PCDHGB1: variants seen among roughly 807,000 people sequenced by gnomAD.
The protein encoded by PCDHGB1 is protocadherin gamma-B1.
PCDHGB1 carries 34 observed loss-of-function variants against 56.6 expected under a neutral mutation model. The observed-to-expected ratio is 0.60, with a 90% CI of 0.46 to 0.80. The LOEUF is 0.80. Among genes scored for constraint, PCDHGB1 ranks in the 30% least tolerant of loss-of-function variants. The probability of loss-of-function intolerance (pLI) is 0.00; values close to 1 mark genes in which losing one functional copy is unlikely to be tolerated. For synonymous variants in PCDHGB1, 561 were observed against 505.9 expected (o/e 1.11, Z -1.46); for missense variants, 1,278 against 1,204.6 (o/e 1.06, Z -0.90).
At chr5:141,398,356 G>A (rs1242233046) in intron 1 of PCDHGB1, 2 of 1,409,378 alleles carry the variant, frequency 1.4e-6, no homozygotes, top group South Asian at 1.2e-5. Context: ...TTACTTCACC[G>A]TGAGCGCAGA....
intron 1 of PCDHGB1, chr5:141,390,043 C>A (rs1022492557): frequency 1.9e-6 from 3 of 1,613,946 alleles, no homozygotes; most frequent in Non-Finnish European, 2.5e-6. Context: ...TCCAGCCCCG[C>A]CTCCTGGAGC....
rs1417059875 is a variant in PCDHGB1 at position 141,496,499 on chromosome 5, G to C, written c.2468+1634G>C. 2.6e-5 allele frequency among the ~76,000 whole-genome samples: 4 copies of C among 152,102 alleles called. No individual in the cohort carries two copies. In the East Asian group the frequency reaches 7.7e-4, roughly 29 times the overall value. On this transcript the variant is annotated intron_variant, in intron 2 of 3. Coordinates refer to ENST00000523390, the MANE Select transcript of PCDHGB1 (RefSeq NM_018922.3). ...TCCTGCAACCAACCAAACCCTTGTT[G>C]CCACAAGGACCCAGGAGCCCTTGGT...
At chr5:141,385,268 C>CTT (rs1561607550) in intron 1 of PCDHGB1, 1 of 1,613,616 alleles carries the variant, frequency 6.2e-7, no homozygotes, top group Non-Finnish European at 8.5e-7. Context: ...AAAAATGATT[C>CTT]TTTGCTAACA....
At chr5:141,478,305 C>G in intron 1 of PCDHGB1, 1 of 1,614,092 alleles carries the variant, frequency 6.2e-7, no homozygotes, top group Non-Finnish European at 8.5e-7. Context: ...TACCGAGCCC[C>G]GGTGAGCTCA....
intron 1 of PCDHGB1, chr5:141,404,247 T>C: frequency 6.2e-7 from 1 of 1,613,870 alleles, no homozygotes; most frequent in Non-Finnish European, 8.5e-7. Flanking sequence ...ACTCCGCCCC[T>C]GTCCACAGAA....
rs75563633 is a variant in PCDHGB1 at position 141,365,084 on chromosome 5, C to G, written c.2409+12415C>G. The G allele has an allele frequency of 4.2e-4, 675 of 1,613,836 alleles. 2 individuals carry two copies. The African/African-American group carries it at 8.3e-3, about 20-fold the overall frequency. ...CCCATCCGAGTACAGCGTGAGTGTT[C>G]CAGAGAACATACCTGTGGGCACTCG... On this transcript the variant is annotated intron_variant, in intron 1 of 3. Coordinates refer to ENST00000523390, the MANE Select transcript of PCDHGB1 (RefSeq NM_018922.3).
intron 1 of PCDHGB1, among the ~76,000 whole-genome samples, chr5:141,474,412 C>A (rs1282336092): frequency 6.6e-6 from 1 of 152,220 alleles, no homozygotes; most frequent in Non-Finnish European, 1.5e-5. Flanking sequence ...CCGGTGATGC[C>A]TAGACCATTG....
chr5:141,389,837 A>C, intron 1 of PCDHGB1: 2 of 1,613,842 alleles, frequency 1.2e-6, no homozygotes, highest in South Asian at 2.2e-5. Context: ...GACAGCCACC[A>C]CTCTCGGCCA....
intron 1 of PCDHGB1, among the ~76,000 whole-genome samples, chr5:141,435,710 C>T (rs1033703743): frequency 1.3e-5 from 2 of 152,148 alleles, no homozygotes; most frequent in Admixed American, 6.5e-5. Flanking sequence ...TGGTTACAGA[C>T]ACTGAATGCT....
intron 1 of PCDHGB1, chr5:141,421,750 C>G: frequency 6.2e-7 from 1 of 1,613,906 alleles, no homozygotes; most frequent in East Asian, 2.2e-5. Flanking sequence ...CCAGCTCAGC[C>G]CTAATAATTA....
Position 141,486,000 on chromosome 5 carries a change from A to G in PCDHGB1, c.2410-8807A>G. 1 of 1,614,194 alleles carries G rather than the reference A, an allele frequency of 6.2e-7. No individual in the cohort carries two copies. Among genetic ancestry groups the G allele is most frequent in the Non-Finnish European group, 8.5e-7 (1 of 1,180,034 alleles). On this transcript the variant is annotated intron_variant, in intron 1 of 3. Transcript: ENST00000523390. The surrounding 1 kb of genome is among the most constrained non-coding windows in gnomAD (Gnocchi z 5.7). ...GACCCGGACCTGGGTCCCAGTGGTA[A>G]CGTCACCTTTTATTTCAGTGGTCAT...
In PCDHGB1 at chr5:141,381,826, C is replaced by CTTTTTTTT. The variant is rs770630741; in HGVS notation, c.2409+29172_2409+29179dup. Among the ~76,000 whole-genome samples, 48 of 74,286 alleles carry CTTTTTTTT rather than the reference C, an allele frequency of 6.5e-4. 1 individual carries two copies. Among genetic ancestry groups the CTTTTTTTT allele is most frequent in the African/African-American group, 1.0e-3 (17 of 16,198 alleles). 48.7% of individuals were successfully genotyped at this position (74,286 alleles called of 152,430 possible). On this transcript the variant is annotated intron_variant, in intron 1 of 3. Coordinates refer to ENST00000523390, the MANE Select transcript of PCDHGB1 (RefSeq NM_018922.3). Reference sequence around the variant, plus strand: ...TTTCTTTCTTTCTTTCTTTCTTCTTCTTTTTTTTTTTTTTTTTTTTTTGGC... The same window carrying CTTTTTTTT: ...TTTCTTTCTTTCTTTCTTTCTTCTTCTTTTTTTTTTTTTTTTTTTTTTTTTTTTTTGGC...
At chr5:141,419,558 C>T (rs560723941) in intron 1 of PCDHGB1, 1 of 1,611,970 alleles carries the variant, frequency 6.2e-7, no homozygotes, top group African/African-American at 1.3e-5. Context: ...GTACCCTGCG[C>T]TGGGTCCCGA....
intron 1 of PCDHGB1, among the ~76,000 whole-genome samples, chr5:141,435,286 A>G (rs1179151461): frequency 6.6e-6 from 1 of 152,194 alleles, no homozygotes; most frequent in Non-Finnish European, 1.5e-5. Context: ...CAGTATCCCA[A>G]GTCATTTCAT....
In PCDHGB1 at chr5:141,432,976, C is replaced by A. The variant is rs373558125; in HGVS notation, c.2410-61831C>A. The stretch of plus-strand genomic sequence containing the variant: ...GCTTGACAGGAGCGCCGGCGTCGCA[C>A]TTTGTGGGCGTGGACGGGGTGCAGG... On this transcript the variant is annotated intron_variant, in intron 1 of 3. Coordinates refer to ENST00000523390, the MANE Select transcript of PCDHGB1 (RefSeq NM_018922.3). This position sits in a 1 kb window ranked among gnomAD's most constrained non-coding sequence, Gnocchi z 6.0. 1 of 1,614,210 alleles carries A rather than the reference C, an allele frequency of 6.2e-7. No individual in the cohort carries two copies.
chr5:141,366,430 C>T (rs753944795), intron 1 of PCDHGB1: 6 of 1,614,174 alleles, frequency 3.7e-6, no homozygotes, highest in Non-Finnish European at 4.2e-6. Context: ...TGGCTGCAGT[C>T]TCCTGCGTCT....
At chr5:141,363,691 T>C (rs927918619) in intron 1 of PCDHGB1, among the ~76,000 whole-genome samples, 2 of 152,250 alleles carry the variant, frequency 1.3e-5, no homozygotes, top group Non-Finnish European at 2.9e-5. Flanking sequence ...ATAACTTACA[T>C]AAATCAGTAG....
intron 2 of PCDHGB1, among the ~76,000 whole-genome samples, chr5:141,501,049 A>G (rs1458722311): frequency 1.3e-5 from 2 of 151,844 alleles, no homozygotes; most frequent in African/African-American, 2.4e-5. Flanking sequence ...TTGTATTTTT[A>G]GTAGAGACGG....
chr5:141,355,479 G>A (rs1190263838), intron 1 of PCDHGB1: 5 of 1,613,976 alleles, frequency 3.1e-6, no homozygotes, highest in Non-Finnish European at 4.2e-6. Flanking sequence ...TAGACAGGGA[G>A]GAGCTCTGCG....
Sources: allele counts gnomAD v4.1 joint callset (sites outside exome capture counted in the v4.1 genomes callset), GRCh38; gene constraint gnomAD v4.1.1; non-coding constraint Gnocchi (gnomAD v3.1); transcripts MANE v1.5; gene names NCBI Gene and HGNC (gene_info 2026-07-23, HGNC 2026-07-21).